WDR72: variants seen among roughly 807,000 people sequenced by gnomAD.
WDR72 encodes WD repeat domain 72.
WDR72 carries 120 observed loss-of-function variants against 124.2 expected under a neutral mutation model. The ratio of observed to expected loss-of-function variants is 0.97; its 90% CI spans 0.83 to 1.12. WDR72 has a LOEUF of 1.12. WDR72 is among the 50% of genes most tolerant of loss of function. The probability of loss-of-function intolerance (pLI) is 0.00; values close to 1 mark genes in which losing one functional copy is unlikely to be tolerated. For missense variants in WDR72, 1,387 were observed against 1,278.8 expected, an observed-to-expected ratio of 1.08 and a Z score of -1.29; for synonymous variants, 452 against 441.7, an observed-to-expected ratio of 1.02 and a Z score of -0.29.
intron 7 of WDR72, among the ~76,000 whole-genome samples, chr15:53,712,379 C>T (rs8039611): frequency 4.8e-4 from 73 of 152,160 alleles, no homozygotes; most frequent in Middle Eastern, 6.8e-3. Flanking sequence ...GGGCAGATCA[C>T]GAGGTCAGGA....
chr15:53,733,179 G>C lies in WDR72; in HGVS notation c.-12-18C>G, dbSNP rs1289790402. On this transcript the variant is annotated intron_variant, in intron 1 of 19. Transcript: ENST00000360509. ...GGCGAATCCTGACATACAAAGAAGG[G>C]AAGAAGCATACATGGTCATCTTTTT... The C allele has an allele frequency of 6.2e-7, 1 of 1,612,848 alleles. No individual in the cohort carries two copies. Among genetic ancestry groups the C allele is most frequent in the South Asian group, 1.1e-5 (1 of 91,062 alleles).
chr15:53,685,437 G>A (rs1433512502), intron 13 of WDR72, among the ~76,000 whole-genome samples: 1 of 134,020 alleles, frequency 7.5e-6, no homozygotes, highest in Non-Finnish European at 1.6e-5. Context: ...GAGCCGACGC[G>A]ATCAACTGGA....
In WDR72 at chr15:53,710,817, G is replaced by C. The variant is rs765649826; in HGVS notation, c.954+40C>G. 2.0e-5 allele frequency: 30 copies of C among 1,500,736 alleles called. No homozygotes were observed. The South Asian group carries it at 3.4e-4, about 17-fold the overall frequency. 93.0% of individuals were successfully genotyped at this position (1,500,736 alleles called of 1,614,324 possible). A position where few individuals can be genotyped will look rare whatever the true frequency, so the allele number is the denominator to read the frequency against. On this transcript the variant is annotated intron_variant, in intron 9 of 19. Transcript: ENST00000360509. ...AAGCAACACTTATCCAAGAAACTGA[G>C]TGAAACAGCTTTGAGGCAGTCACTC...
At chr15:53,550,010 T>C (rs977532504) in intron 18 of WDR72, among the ~76,000 whole-genome samples, 1 of 152,112 alleles carries the variant, frequency 6.6e-6, no homozygotes, top group Non-Finnish European at 1.5e-5. Context: ...TAATATAAGC[T>C]CCAGAAAGCG....
chr15:53,693,900 C>T (rs1347523235), intron 13 of WDR72, among the ~76,000 whole-genome samples: 2 of 152,304 alleles, frequency 1.3e-5, no homozygotes, highest in East Asian at 1.9e-4. Flanking sequence ...AGGCTGGGTG[C>T]TCATGCTATG....
chr15:53,742,514 A>G (rs2018536545), intron 1 of WDR72, among the ~76,000 whole-genome samples: 2 of 152,214 alleles, frequency 1.3e-5, no homozygotes. Flanking sequence ...GGGTGTCTAA[A>G]GCAAGCTGGT....
At position 53,705,112 on chromosome 15, in the gene WDR72, A is replaced by G. The variant is rs1350731687; in HGVS notation, c.1224T>C (p.Thr408=). Residue 408 remains threonine, a synonymous_variant, in exon 11 of 20, where the codon ACT becomes ACC. Coordinates refer to ENST00000360509, the MANE Select transcript of WDR72 (RefSeq NM_182758.4). ...LKDGAGTAVV[T]SSEYIPSLDK... is the part of the protein sequence containing the mutation. ...CAAGACTTGGAATATACTCTGATGA[A>G]GTGACTACAGCAGTTCCTGCCCCAT... The G allele has an allele frequency of 6.2e-7, 1 of 1,614,162 alleles. No individual in the cohort carries two copies. Among genetic ancestry groups the G allele is most frequent in the South Asian group, 1.1e-5 (1 of 91,086 alleles).
intron 13 of WDR72, among the ~76,000 whole-genome samples, chr15:53,677,066 A>G (rs1177428082): frequency 6.6e-6 from 1 of 151,040 alleles, no homozygotes; most frequent in Non-Finnish European, 1.5e-5. Flanking sequence ...GACTACAGGC[A>G]CCCTCCCGCA....
intron 1 of WDR72, among the ~76,000 whole-genome samples, chr15:53,748,466 C>T (rs1339460000): frequency 1.3e-5 from 2 of 152,094 alleles, no homozygotes; most frequent in Non-Finnish European, 2.9e-5. Flanking sequence ...TTAAAATACA[C>T]ATTAAAAGAA....
intron 14 of WDR72, among the ~76,000 whole-genome samples, chr15:53,626,010 T>C (rs889800771): frequency 1.3e-5 from 2 of 152,232 alleles, no homozygotes; most frequent in African/African-American, 4.8e-5. Context: ...CATGTTCTGA[T>C]AACTTCTTTC....
intron 18 of WDR72, among the ~76,000 whole-genome samples, chr15:53,582,147 C>T (rs933259253): frequency 2.0e-5 from 3 of 151,972 alleles, no homozygotes; most frequent in African/African-American, 7.2e-5. Flanking sequence ...TTCATTCTTA[C>T]ATTTTGTAGT....
At chr15:53,583,975 A>T (rs1007085996) in intron 18 of WDR72, among the ~76,000 whole-genome samples, 1 of 152,096 alleles carries the variant, frequency 6.6e-6, no homozygotes, top group African/African-American at 2.4e-5. Flanking sequence ...TGACAGAGAG[A>T]TAATATATCC....
Position 53,517,632 on chromosome 15 carries a change from A to G in WDR72, c.*67T>C. ...ATAACAACAATGCTTTTATACAGTA[A>G]TAAACAAATGGCATCTTTTGGATTT... is the stretch of plus-strand genomic sequence containing the variant. On this transcript the variant is annotated 3_prime_UTR_variant, in exon 20 of 20. Transcript: ENST00000360509. 6.6e-7 allele frequency: 1 copy of G among 1,526,676 alleles called. No homozygotes were observed. Among genetic ancestry groups the G allele is most frequent in the Non-Finnish European group, 9.1e-7 (1 of 1,101,032 alleles). 94.6% of individuals were successfully genotyped at this position (1,526,676 alleles called of 1,614,324 possible).
chr15:53,584,744 T>C (rs1265557802), intron 18 of WDR72, among the ~76,000 whole-genome samples: 12 of 151,600 alleles, frequency 7.9e-5, no homozygotes, highest in African/African-American at 2.4e-4. Context: ...CAGCTTGGAG[T>C]ATCCCCATTC....
intron 13 of WDR72, among the ~76,000 whole-genome samples, chr15:53,671,507 T>A (rs1301568747): frequency 6.6e-6 from 1 of 152,240 alleles, no homozygotes; most frequent in Non-Finnish European, 1.5e-5. Flanking sequence ...ACAAAGCAGG[T>A]CTTTCTAAAT....
chr15:53,759,525 C>G (rs958893004), intron 1 of WDR72, 108 bp downstream of exon 1: 4 of 152,396 alleles, frequency 2.6e-5, no homozygotes, highest in African/African-American at 7.2e-5. Context: ...CCTCCTGCGC[C>G]GTGCTCTGAA....
intron 14 of WDR72, among the ~76,000 whole-genome samples, chr15:53,636,354 T>C (rs554489506): frequency 6.6e-6 from 1 of 152,268 alleles, no homozygotes; most frequent in African/African-American, 2.4e-5. Context: ...GTATAAGTGG[T>C]TGTAAAGACA....
chr15:53,520,534 G>T lies in WDR72; in HGVS notation c.3253+2684C>A, dbSNP rs189182472. Reference sequence around the variant, plus strand: ...GACTAAGGAATACACTAATGCAATTGTAAGTTTAGCTACTGAAGCACCTCT... The same window carrying T: ...GACTAAGGAATACACTAATGCAATTTTAAGTTTAGCTACTGAAGCACCTCT... On this transcript the variant is annotated intron_variant, in intron 19 of 19. Coordinates refer to ENST00000360509, the MANE Select transcript of WDR72 (RefSeq NM_182758.4). Among the ~76,000 whole-genome samples the T allele has an allele frequency of 1.7e-3, 259 of 152,150 alleles. 1 individual carries two copies. Among genetic ancestry groups the T allele is most frequent in the African/African-American group, 5.9e-3 (244 of 41,542 alleles).
intron 1 of WDR72, among the ~76,000 whole-genome samples, chr15:53,743,109 T>C (rs562991423): frequency 6.6e-6 from 1 of 152,256 alleles, no homozygotes; most frequent in South Asian, 2.1e-4. Context: ...AATTACTTGC[T>C]AGTTATGTAG....
Sources: allele counts gnomAD v4.1 joint callset (sites outside exome capture counted in the v4.1 genomes callset), GRCh38; gene constraint gnomAD v4.1.1; transcripts MANE v1.5; gene names NCBI Gene and HGNC (gene_info 2026-07-23, HGNC 2026-07-21).